The following SREK1 variants were observed in gnomAD, a reference collection of about 807,000 sequenced individuals.
SREK1 encodes the protein splicing regulatory glutamine/lysine-rich protein 1.
SREK1 carries 13 observed loss-of-function variants against 66.5 expected under a neutral mutation model. The observed-to-expected ratio is 0.20, with a 90% CI of 0.13 to 0.31. The LOEUF is 0.31. SREK1 is among the 10% of genes least tolerant of loss of function. The probability of loss-of-function intolerance (pLI) is 1.00; values close to 1 mark genes in which losing one functional copy is unlikely to be tolerated. For synonymous variants in SREK1, 265 were observed against 263.5 expected (o/e 1.01, Z -0.05); for missense variants, 607 against 769.6 (o/e 0.79, Z 2.50).
chr5:66,146,680 TTGCC>T (rs1371768261), intron 1 of SREK1, among the ~76,000 whole-genome samples: 1 of 152,042 alleles, frequency 6.6e-6, no homozygotes, highest in Non-Finnish European at 1.5e-5. Context: ...GAAGTTGTCA[TTGCC>T]TGGTCCTTAT....
chr5:66,173,682 A>G (rs1434165477), intron 9 of SREK1, among the ~76,000 whole-genome samples: 2 of 152,220 alleles, frequency 1.3e-5, no homozygotes, highest in African/African-American at 2.4e-5. Flanking sequence ...TGCTTTCTGA[A>G]CAAATAAGTA....
At chr5:66,161,175 G>A (rs148143009) in intron 3 of SREK1, among the ~76,000 whole-genome samples, 1 of 152,272 alleles carries the variant, frequency 6.6e-6, no homozygotes, top group African/African-American at 2.4e-5. Context: ...TCGATGCTAT[G>A]ATAATTGTTG....
chr5:66,147,862 T>C (rs1052549820), intron 1 of SREK1, among the ~76,000 whole-genome samples: 8 of 149,630 alleles, frequency 5.3e-5, no homozygotes, highest in Non-Finnish European at 7.5e-5. Flanking sequence ...ATGTAATATA[T>C]GTAATATAGC....
At chr5:66,153,201 C>G (rs891689245) in intron 1 of SREK1, among the ~76,000 whole-genome samples, 1 of 151,870 alleles carries the variant, frequency 6.6e-6, no homozygotes, top group African/African-American at 2.4e-5. Context: ...TACATTCACT[C>G]GGATTAAGGA....
chr5:66,177,331 G>A lies in SREK1; in HGVS notation c.1581-183G>A. ...TGTGTATCCTTAAGAAACTAACTGG[G>A]GTAAGGGTGGGGTAGGTCAGGTTGT... On this transcript the variant is annotated intron_variant, in intron 10 of 11. Transcript: ENST00000334121. 6.4e-6 allele frequency: 3 copies of A among 468,342 alleles called. No individual in the cohort carries two copies. In the South Asian group the frequency reaches 1.1e-4, roughly 18 times the overall value. 29.0% of individuals were successfully genotyped at this position (468,342 alleles called of 1,614,324 possible). A position where few individuals can be genotyped will look rare whatever the true frequency, so the allele number is the denominator to read the frequency against.
At chr5:66,147,333 A>C (rs1244417034) in intron 1 of SREK1, among the ~76,000 whole-genome samples, 2 of 152,164 alleles carry the variant, frequency 1.3e-5, no homozygotes, top group Non-Finnish European at 1.5e-5. Flanking sequence ...AAACTTTCTT[A>C]CACAAGTAAG....
intron 5 of SREK1, 49 bp downstream of exon 5, chr5:66,162,641 G>C: frequency 6.6e-7 from 1 of 1,519,080 alleles, no homozygotes; most frequent in Admixed American, 2.2e-5. Flanking sequence ...AACATTTAAA[G>C]TATTTTTGAT....
At chr5:66,145,433 CT>C (rs761483427) in intron 1 of SREK1, among the ~76,000 whole-genome samples, 3 of 151,864 alleles carry the variant, frequency 2.0e-5, no homozygotes, top group Non-Finnish European at 4.4e-5. Context: ...TATCAAAATC[CT>C]TTGAGGGAAG....
At chr5:66,158,714 C>T (rs2112001921) in intron 2 of SREK1, 1 of 1,093,168 alleles carries the variant, frequency 9.1e-7, no homozygotes, top group Non-Finnish European at 1.2e-6. Flanking sequence ...TTTTCTTTTT[C>T]TTTTTTTTGA....
In SREK1 at chr5:66,181,902, G is replaced by GT. The variant is rs888325189; in HGVS notation, c.*3034_*3035insT. 1 of 60,280 alleles carries GT rather than the reference G, an allele frequency of 1.7e-5. No individual in the cohort carries two copies. The allele number at this position is 60,280 out of a possible 1,614,324, so 3.7% of individuals were successfully genotyped here. On this transcript the variant is annotated 3_prime_UTR_variant, in exon 12 of 12. Transcript: ENST00000334121. ...TTATAATGAAAAGGTTTTTTTGTCGGGGGGGGGGGGGTCAAGAGAATTTAT... is the reference window on the plus strand; with the variant it reads ...TTATAATGAAAAGGTTTTTTTGTCGGTGGGGGGGGGGGTCAAGAGAATTTAT...
At chr5:66,156,977 GTTTTATAC>G in intron 2 of SREK1, 1 of 985,092 alleles carries the variant, frequency 1.0e-6, no homozygotes, top group African/African-American at 1.7e-5. Flanking sequence ...ATGCTTATTT[GTTTTATAC>G]TTTTATAAGC....
At chr5:66,163,986 G>C in intron 6 of SREK1, 64 bp downstream of exon 6, 1 of 1,521,842 alleles carries the variant, frequency 6.6e-7, no homozygotes, top group South Asian at 1.3e-5. Context: ...GAACTGGAAG[G>C]AATTTTAGAA....
At chr5:66,161,437 C>T (rs1744761839) in intron 3 of SREK1, among the ~76,000 whole-genome samples, 1 of 152,134 alleles carries the variant, frequency 6.6e-6, no homozygotes, top group Non-Finnish European at 1.5e-5. Flanking sequence ...TAAACAAGCA[C>T]GCAGTCTGTT....
chr5:66,152,380 G>A (rs763502840), intron 1 of SREK1, among the ~76,000 whole-genome samples: 1 of 152,098 alleles, frequency 6.6e-6, no homozygotes, highest in South Asian at 2.1e-4. Context: ...TTTTAAAAAC[G>A]GCTAATGTTT....
rs746498354 is a variant in SREK1, at chr5:66,170,797, G to A, written c.1334G>A (p.Arg445Gln). The A allele has an allele frequency of 6.2e-6, 10 of 1,609,760 alleles. No homozygotes were observed. The highest frequency in any genetic ancestry group is 8.5e-6 in the Non-Finnish European group (10 of 1,177,762). Residue 445 changes from arginine (R) to glutamine (Q), a missense_variant, in exon 9 of 12, where the codon CGA becomes CAA. Physicochemically the swap from Arg to Gln is conservative, Grantham distance 43. Around this residue, in one of 5 missense-constraint regions of SREK1, gnomAD observed 318 missense variants for 310.3 expected, o/e 1.02. Transcript: ENST00000334121. Reference protein sequence around the residue: ...REREKEHEKDRDKEKEKEQDK... With the variant: ...REREKEHEKDQDKEKEKEQDK... The stretch of plus-strand genomic sequence containing the variant: ...CGGGAAAAAGAGCATGAGAAGGATC[G>A]AGACAAAGAGAAGGAAAAGGAACAG...
rs536820048 is a variant in SREK1, at chr5:66,156,774, TG to T, written c.296-2444del. On this transcript the variant is annotated intron_variant, in intron 2 of 11. Coordinates refer to ENST00000334121, the MANE Select transcript of SREK1 (RefSeq NM_001077199.3). ...ATTTCCTTGACTTATGAAGACTTTT[TG>T]TTGCCTATGTGGGGAATGGATATTT... The T allele has an allele frequency of 1.4e-4, 137 of 985,438 alleles. 3 individuals carry two copies. The South Asian group carries it at 5.6e-3, about 41-fold the overall frequency. The allele number at this position is 985,438 out of a possible 1,614,324, so 61.0% of individuals were successfully genotyped here.
chr5:66,156,620 G>A, intron 2 of SREK1: 3 of 985,274 alleles, frequency 3.0e-6, no homozygotes, highest in Non-Finnish European at 3.6e-6. Context: ...AAAACTGATA[G>A]CTTCTAATTT....
At chr5:66,156,662 A>G (rs1744311725) in intron 2 of SREK1, 1 of 985,420 alleles carries the variant, frequency 1.0e-6, no homozygotes, top group Non-Finnish European at 1.2e-6. Flanking sequence ...TAGGCATACA[A>G]AATCATCAAG....
chr5:66,171,691 G>T (rs868282249), intron 9 of SREK1, among the ~76,000 whole-genome samples: 7 of 152,016 alleles, frequency 4.6e-5, no homozygotes, highest in Non-Finnish European at 8.8e-5. Flanking sequence ...TTTTTTAATA[G>T]AAAATAATTT....
Sources: gnomAD v4.1 joint callset for allele counts (sites outside exome capture counted in the v4.1 genomes callset) on GRCh38, gnomAD v4.1.1 for gene constraint, gnomAD v4.1.1 regional missense constraint, MANE v1.5 for transcripts, NCBI Gene and HGNC (gene_info 2026-07-23, HGNC 2026-07-21) for gene names.